Variants in PDE3B observed in about 807,000 individuals in gnomAD.
PDE3B encodes cGMP-inhibited 3',5'-cyclic phosphodiesterase 3B.
Under a neutral mutation model 116.8 loss-of-function variants are expected in PDE3B, and 66 were observed. The observed-to-expected ratio is 0.56, with a 90% CI of 0.46 to 0.69. The LOEUF (loss-of-function observed/expected upper bound fraction) is 0.69. PDE3B is among the 30% of genes least tolerant of loss of function. PDE3B has a pLI of 0.00. For synonymous variants in PDE3B, 595 were observed against 533.6 expected, an observed-to-expected ratio of 1.12 and a Z score of -1.59; for missense variants, 1,384 against 1,368.1, an observed-to-expected ratio of 1.01 and a Z score of -0.18.
intron 1 of PDE3B, among the ~76,000 whole-genome samples, chr11:14,708,470 G>A (rs984122622): frequency 6.6e-6 from 1 of 152,020 alleles, no homozygotes; most frequent in African/African-American, 2.4e-5. Context: ...GTATTTAAAT[G>A]TGTTTTTTAC....
chr11:14,786,785 A>C (rs1565136992), intron 3 of PDE3B, 100 bp downstream of exon 3: 9 of 949,118 alleles, frequency 9.5e-6, no homozygotes, highest in Non-Finnish European at 1.1e-5. Context: ...TTTTCGTTTC[A>C]AGGATCAGAC....
At chr11:14,792,168 G>A (rs1357836398) in intron 4 of PDE3B, among the ~76,000 whole-genome samples, 2 of 152,054 alleles carry the variant, frequency 1.3e-5, no homozygotes, top group Admixed American at 6.6e-5. Context: ...TGACAGAGCT[G>A]CAGCCCTTAC....
intron 1 of PDE3B, among the ~76,000 whole-genome samples, chr11:14,760,391 TGC>T (rs1857325873): frequency 2.0e-5 from 3 of 152,214 alleles, no homozygotes; most frequent in African/African-American, 7.2e-5. Flanking sequence ...CTGTGCTAGA[TGC>T]TATAATCAAA....
intron 5 of PDE3B, among the ~76,000 whole-genome samples, chr11:14,805,700 G>A (rs2087064042): frequency 6.6e-6 from 1 of 152,094 alleles, no homozygotes; most frequent in African/African-American, 2.4e-5. Flanking sequence ...ATTCAGTAAA[G>A]GAAGTTTCTT....
Position 14,644,446 on chromosome 11 carries a change from G to A in PDE3B, c.371G>A (p.Ser124Asn). 6.2e-7 allele frequency: 1 copy of A among 1,613,078 alleles called. No homozygotes were observed. The highest frequency in any genetic ancestry group is 8.5e-7 in the Non-Finnish European group (1 of 1,179,648). Reference protein sequence around the residue: ...VCSHSLSPLFSIACAFFFLTC... With the variant: ...VCSHSLSPLFNIACAFFFLTC... The stretch of plus-strand genomic sequence containing the variant: ...TCGCACAGCTTGAGCCCCCTCTTCA[G>A]CATCGCCTGTGCCTTCTTCTTCCTC... Residue 124 changes from serine to asparagine, a missense_variant, in exon 1 of 16, where the codon AGC becomes AAC. Transcript: ENST00000282096.
chr11:14,862,029 GGAA>G (rs1847960185), intron 14 of PDE3B, among the ~76,000 whole-genome samples: 1 of 152,158 alleles, frequency 6.6e-6, no homozygotes, highest in South Asian at 2.1e-4. Flanking sequence ...CAGTGTTCAT[GGAA>G]GAAGGTCATA....
intron 4 of PDE3B, among the ~76,000 whole-genome samples, chr11:14,801,359 G>C (rs1590156583): frequency 6.6e-6 from 1 of 152,280 alleles, no homozygotes; most frequent in African/African-American, 2.4e-5. Context: ...ATTCCTTTCT[G>C]TTGTTAGTTT....
intron 6 of PDE3B, among the ~76,000 whole-genome samples, chr11:14,818,631 A>G (rs752937924): frequency 6.6e-6 from 1 of 152,094 alleles, no homozygotes; most frequent in Non-Finnish European, 1.5e-5. Flanking sequence ...ATAAAGTATT[A>G]CCAGTTTTCT....
At chr11:14,777,129 T>C (rs1446342410) in intron 2 of PDE3B, among the ~76,000 whole-genome samples, 2 of 152,090 alleles carry the variant, frequency 1.3e-5, no homozygotes, top group African/African-American at 2.4e-5. Context: ...AATTACTGGA[T>C]GGGATGAATA....
At chr11:14,873,055 T>C (rs1231570645), downstream of PDE3B, among the ~76,000 whole-genome samples, 3 of 152,150 alleles carry the variant, frequency 2.0e-5, no homozygotes, top group Admixed American at 6.6e-5. Flanking sequence ...ACTGAAACTT[T>C]AAGGAAATAG....
intron 1 of PDE3B, among the ~76,000 whole-genome samples, chr11:14,755,830 A>ACTAT (rs1189656020): frequency 6.6e-6 from 1 of 152,198 alleles, no homozygotes; most frequent in East Asian, 1.9e-4. Flanking sequence ...TAAAATATTT[A>ACTAT]CTATCTGACC....
chr11:14,757,714 G>T (rs1185423167), intron 1 of PDE3B, among the ~76,000 whole-genome samples: 1 of 144,938 alleles, frequency 6.9e-6, no homozygotes, highest in Admixed American at 7.0e-5. Flanking sequence ...CCCTTTTTCA[G>T]ATGAGTAGGT....
the PDE3B span, chr11:14,891,652 C>T: frequency 8.7e-7 from 1 of 1,155,644 alleles, no homozygotes; most frequent in South Asian, 2.2e-5. Flanking sequence ...CCACCCTGGA[C>T]CTGAAGTGGC....
At chr11:14,778,006 C>G (rs552850273) in intron 2 of PDE3B, among the ~76,000 whole-genome samples, 1 of 152,216 alleles carries the variant, frequency 6.6e-6, no homozygotes, top group African/African-American at 2.4e-5. Context: ...AAACGGCACA[C>G]CAGGAGATTA....
the PDE3B span, among the ~76,000 whole-genome samples, chr11:14,878,543 C>T: frequency 2.0e-5 from 3 of 152,218 alleles, no homozygotes; most frequent in Admixed American, 2.0e-4. Context: ...TCTCCCACTT[C>T]CCTCCTATGC....
intron 1 of PDE3B, among the ~76,000 whole-genome samples, chr11:14,681,470 C>T (rs1854705186): frequency 6.6e-6 from 1 of 152,158 alleles, no homozygotes; most frequent in Non-Finnish European, 1.5e-5. Flanking sequence ...CAAATTCTCT[C>T]TTGCCATGAG....
intron 4 of PDE3B, among the ~76,000 whole-genome samples, chr11:14,791,463 A>G (rs1437594634): frequency 6.6e-6 from 1 of 151,916 alleles, no homozygotes; most frequent in Non-Finnish European, 1.5e-5. Context: ...CCTCTAGTGG[A>G]GTGGTTGCTT....
chr11:14,865,596 G>A (rs570297643), intron 14 of PDE3B, among the ~76,000 whole-genome samples: 9 of 152,142 alleles, frequency 5.9e-5, no homozygotes, highest in South Asian at 2.1e-4. Context: ...ACAAAATGCC[G>A]TACTGTATAA....
chr11:14,659,792 G>A (rs1481155460), intron 1 of PDE3B, among the ~76,000 whole-genome samples: 1 of 152,100 alleles, frequency 6.6e-6, no homozygotes, highest in Non-Finnish European at 1.5e-5. Flanking sequence ...TTTTTGCTGT[G>A]ACTATTTCTA....
Sources: allele counts gnomAD v4.1 joint callset (sites outside exome capture counted in the v4.1 genomes callset), GRCh38; gene constraint gnomAD v4.1.1; transcripts MANE v1.5; gene names NCBI Gene and HGNC (gene_info 2026-07-23, HGNC 2026-07-21).